MGST2: variants seen among roughly 807,000 people sequenced by gnomAD.
The protein encoded by MGST2 is glutathione peroxidase MGST2.
MGST2 carries 9 observed loss-of-function variants against 16.6 expected under a neutral mutation model. The ratio of observed to expected loss-of-function variants is 0.54; its 90% CI spans 0.33 to 0.95. The LOEUF is 0.95. Ranked by LOEUF, MGST2 falls within the 40% of genes least tolerant of loss-of-function variation. The pLI, the probability that MGST2 is intolerant of heterozygous loss-of-function variation, is 0.03. For synonymous variants in MGST2, 79 were observed against 68.0 expected, an observed-to-expected ratio of 1.16 and a Z score of -0.79; for missense variants, 159 against 175.1, an observed-to-expected ratio of 0.91 and a Z score of 0.52.
intron 5 of MGST2, chr4:139,730,619 A>G (rs1364295288): frequency 1.2e-6 from 2 of 1,612,948 alleles, no homozygotes; most frequent in African/African-American, 2.7e-5. Flanking sequence ...GGGGGCACGG[A>G]GGACTGCATG....
chr4:139,746,521 C>A, the MGST2 span, among the ~76,000 whole-genome samples: 1 of 152,146 alleles, frequency 6.6e-6, no homozygotes, highest in African/African-American at 2.4e-5. Context: ...TACCACTGGG[C>A]TCTGGAAAAT....
intron 3 of MGST2, among the ~76,000 whole-genome samples, chr4:139,701,819 T>C (rs1323666852): frequency 6.6e-6 from 1 of 151,876 alleles, no homozygotes; most frequent in African/African-American, 2.4e-5. Context: ...ATTAAAAAAT[T>C]GGCCAGGCCT....
chr4:139,736,122 A>ACACT lies in MGST2; in HGVS notation c.*49-4072_*49-4069dup, dbSNP rs552005476. Among the ~76,000 whole-genome samples the ACACT allele has an allele frequency of 7.5e-4, 114 of 152,224 alleles. 2 individuals are homozygous for ACACT. Among genetic ancestry groups the ACACT allele is most frequent in the East Asian group, 9.6e-4 (5 of 5,186 alleles). ...TTCAGACACACACACACATACACAC[A>ACACT]CACTCACTCACTCACTCACTCTGAA... On this transcript the variant is annotated intron_variant, in intron 5 of 5. Coordinates refer to the MGST2 transcript ENST00000616265.
intron 5 of MGST2, among the ~76,000 whole-genome samples, chr4:139,726,212 T>C (rs939831439): frequency 1.3e-5 from 2 of 152,236 alleles, no homozygotes; most frequent in Non-Finnish European, 2.9e-5. Flanking sequence ...GTGTCTGGCT[T>C]CTTGCATTCA....
chr4:139,692,617 T>A (rs937489806), intron 2 of MGST2, among the ~76,000 whole-genome samples: 2 of 152,246 alleles, frequency 1.3e-5, no homozygotes, highest in African/African-American at 4.8e-5. Flanking sequence ...ACCAAGTTTT[T>A]CATGAGGACG....
intron 1 of MGST2, among the ~76,000 whole-genome samples, chr4:139,673,537 G>A (rs912301462): frequency 6.6e-6 from 1 of 152,144 alleles, no homozygotes; most frequent in Non-Finnish European, 1.5e-5. Context: ...CTCCTAAGTA[G>A]CTGGAACTAC....
At chr4:139,669,210 TG>T (rs1730533181) in intron 1 of MGST2, among the ~76,000 whole-genome samples, 1 of 151,950 alleles carries the variant, frequency 6.6e-6, no homozygotes, top group African/African-American at 2.4e-5. Context: ...TCCATTTAGA[TG>T]GTTGGGGGGC....
chr4:139,697,801 A>G (rs1352361475), intron 3 of MGST2, among the ~76,000 whole-genome samples: 1 of 152,184 alleles, frequency 6.6e-6, no homozygotes, highest in Non-Finnish European at 1.5e-5. Context: ...TAAGAAATTT[A>G]CTTGTTTTAA....
Position 139,735,872 on chromosome 4 carries a change from C to T in MGST2, c.*49-4340C>T, listed in dbSNP as rs987856294. On this transcript the variant is annotated intron_variant, in intron 5 of 5. Transcript: ENST00000616265. This position sits in a 1 kb window ranked among gnomAD's most constrained non-coding sequence, Gnocchi z 5.8. ...CGGGCAGGGGCGGTGCGGCGGCGCT[C>T]GGGAGACCCGCGAGGGGCCCTGGAG... is the stretch of plus-strand genomic sequence containing the variant. 6.6e-6 allele frequency among the ~76,000 whole-genome samples: 1 copy of T among 151,894 alleles called. No individual in the cohort carries two copies. Among genetic ancestry groups the T allele is most frequent in the Non-Finnish European group, 1.5e-5 (1 of 67,936 alleles).
chr4:139,682,382 A>G (rs1731297398), intron 2 of MGST2, among the ~76,000 whole-genome samples: 1 of 152,172 alleles, frequency 6.6e-6, no homozygotes, highest in South Asian at 2.1e-4. Context: ...ATTTGTGAAC[A>G]TGTAGAGAAA....
At chr4:139,676,052 T>C (rs1403693240) in intron 1 of MGST2, among the ~76,000 whole-genome samples, 1 of 152,306 alleles carries the variant, frequency 6.6e-6, no homozygotes, top group Middle Eastern at 3.4e-3. Context: ...GTCTTTGCTC[T>C]CTTTAGTGGC....
the MGST2 span, among the ~76,000 whole-genome samples, chr4:139,752,769 T>C: frequency 3.3e-5 from 5 of 152,024 alleles, no homozygotes; most frequent in East Asian, 1.9e-4. Context: ...AGCTGGATTA[T>C]AGAAGAAAAA....
At chr4:139,694,887 A>C (rs560512732) in intron 2 of MGST2, among the ~76,000 whole-genome samples, 1 of 152,326 alleles carries the variant, frequency 6.6e-6, no homozygotes, top group South Asian at 2.1e-4. Context: ...GAATTGAGTA[A>C]TCTCTTAAGT....
intron 1 of MGST2, among the ~76,000 whole-genome samples, chr4:139,672,991 G>T (rs1205438811): frequency 6.6e-6 from 1 of 152,184 alleles, no homozygotes; most frequent in East Asian, 1.9e-4. Context: ...TTGACTTCTT[G>T]TGAGAGGGGG....
chr4:139,722,595 T>C (rs1728280397), intron 5 of MGST2, among the ~76,000 whole-genome samples: 1 of 152,186 alleles, frequency 6.6e-6, no homozygotes, highest in Non-Finnish European at 1.5e-5. Flanking sequence ...TCCAACTTTT[T>C]CCTAAAAAAG....
chr4:139,742,036 T>G (rs186456257), downstream of MGST2, among the ~76,000 whole-genome samples: 1 of 152,012 alleles, frequency 6.6e-6, no homozygotes, highest in Admixed American at 6.5e-5. Flanking sequence ...CTCAAAGAGG[T>G]CTAACACAGC....
chr4:139,699,476 A>G (rs1319339464), intron 3 of MGST2, among the ~76,000 whole-genome samples: 2 of 152,210 alleles, frequency 1.3e-5, no homozygotes, highest in African/African-American at 4.8e-5. Context: ...TGTTTTGTGC[A>G]TTTGTGACAG....
chr4:139,730,666 T>A, intron 5 of MGST2: 1 of 1,610,988 alleles, frequency 6.2e-7, no homozygotes, highest in South Asian at 1.1e-5. Context: ...TGGATGCTGC[T>A]CCTGGGAAGA....
intron 5 of MGST2, among the ~76,000 whole-genome samples, chr4:139,711,956 G>C (rs1490735998): frequency 6.6e-6 from 1 of 152,202 alleles, no homozygotes; most frequent in African/African-American, 2.4e-5. Flanking sequence ...CAGTCAGAAA[G>C]CATCAGTATG....
Sources: allele counts gnomAD v4.1 joint callset (sites outside exome capture counted in the v4.1 genomes callset), GRCh38; gene constraint gnomAD v4.1.1; non-coding constraint Gnocchi (gnomAD v3.1); transcripts MANE v1.5; gene names NCBI Gene and HGNC (gene_info 2026-07-23, HGNC 2026-07-21).